The following GAK variants were observed in gnomAD, a reference collection of about 807,000 sequenced individuals.
GAK encodes cyclin-G-associated kinase.
GAK carries 79 observed loss-of-function variants against 143.9 expected under a neutral mutation model. The ratio of observed to expected loss-of-function variants is 0.55; its 90% CI spans 0.46 to 0.66. The LOEUF is 0.66. Ranked by LOEUF, GAK falls within the 30% of genes least tolerant of loss-of-function variation. The pLI is 0.00. For synonymous variants in GAK, 881 were observed against 765.5 expected, an observed-to-expected ratio of 1.15 and a Z score of -2.49; for missense variants, 1,693 against 1,779.7, an observed-to-expected ratio of 0.95 and a Z score of 0.88.
intron 18 of GAK, among the ~76,000 whole-genome samples, chr4:873,913 C>G (rs145318886): frequency 6.2e-4 from 94 of 152,254 alleles, no homozygotes; most frequent in Non-Finnish European, 9.8e-4. Context: ...CACAGCAGGG[C>G]GTCGGTCTAC....
intron 18 of GAK, among the ~76,000 whole-genome samples, 199 bp downstream of exon 18, chr4:876,331 C>CAG (rs3830210): frequency 0.042 from 6,371 of 152,240 alleles, 152 homozygotes; most frequent in East Asian, 0.092. Flanking sequence ...AACGGGGGGG[C>CAG]AGAGCAGCAG....
chr4:872,315 G>A (rs952962197), intron 18 of GAK: 1 of 152,260 alleles, frequency 6.6e-6, no homozygotes, highest in Non-Finnish European at 1.5e-5. Flanking sequence ...TCTGGGCGGA[G>A]GTGGCCACGG....
rs375386112 is a variant in GAK, at chr4:849,919, G to A, written c.3807C>T (p.Arg1269=). 4.9e-5 allele frequency: 75 copies of A among 1,527,094 alleles called. No individual in the cohort carries two copies. The highest frequency in any genetic ancestry group is 2.5e-4 in the East Asian group (10 of 39,410). 94.6% of individuals were successfully genotyped at this position (1,527,094 alleles called of 1,614,324 possible). Residue 1269 remains arginine (R), a synonymous_variant, in exon 27 of 28, where the codon CGC becomes CGT. Coordinates refer to ENST00000314167, the MANE Select transcript of GAK (RefSeq NM_005255.4). ...APEQVKKHYR[R]AVLAVHPDKA... ...TGTCGGGGTGCACAGCCAGCACCGC[G>A]CGGCGATAGTGCTTCTTCACTTGCT...
chr4:850,886 C>T (rs1485495121), intron 26 of GAK, 50 bp downstream of exon 26: 3 of 1,584,510 alleles, frequency 1.9e-6, no homozygotes, highest in Non-Finnish European at 2.6e-6. Context: ...GCTCCAGGGG[C>T]CATGGGTTGA....
chr4:863,565 A>G (rs1284630895), intron 23 of GAK, among the ~76,000 whole-genome samples: 2 of 152,220 alleles, frequency 1.3e-5, no homozygotes, highest in East Asian at 1.9e-4. Context: ...AAATGGCCAC[A>G]GCCACCCCAG....
At chr4:891,317 T>G (rs1345816308) in intron 9 of GAK, among the ~76,000 whole-genome samples, 2 of 150,704 alleles carry the variant, frequency 1.3e-5, no homozygotes, top group East Asian at 3.9e-4. Flanking sequence ...CAGGCTGGAG[T>G]GCAGTGGCAT....
chr4:904,518 C>T, intron 5 of GAK, 119 bp downstream of exon 5: 1 of 821,298 alleles, frequency 1.2e-6, no homozygotes, highest in Non-Finnish European at 1.8e-6. Context: ...CGAGCGGGAC[C>T]CGCACACAGA....
At chr4:887,090 C>T (rs545788164) in intron 11 of GAK, 47 of 151,732 alleles carry the variant, frequency 3.1e-4, no homozygotes, top group South Asian at 1.6e-3. Flanking sequence ...CACACACAGG[C>T]GCTCGCACAG....
At chr4:907,098 C>CGACTCAATTCCACT (rs1577262398) in intron 4 of GAK, among the ~76,000 whole-genome samples, 1 of 152,204 alleles carries the variant, frequency 6.6e-6, no homozygotes, top group Non-Finnish European at 1.5e-5. Context: ...AGCGTGTAGC[C>CGACTCAATTCCACT]GACTCAATTC....
rs1310483806 is a variant in GAK, at chr4:890,522, G to A, written c.1081+10C>T. On this transcript the variant is annotated intron_variant, in intron 10 of 27. Coordinates refer to ENST00000314167, the MANE Select transcript of GAK (RefSeq NM_005255.4). The stretch of plus-strand genomic sequence containing the variant: ...AGGGACAGGTGGCGGGCACAGGACA[G>A]GGCACTCACCTCCACTGTAGCCACT... 2 of 1,598,370 alleles carry A rather than the reference G, an allele frequency of 1.3e-6. No individual in the cohort carries two copies. Among genetic ancestry groups the A allele is most frequent in the East Asian group, 2.3e-5 (1 of 44,380 alleles).
At chr4:896,775 TC>T (rs1421556459) in intron 6 of GAK, among the ~76,000 whole-genome samples, 1 of 152,238 alleles carries the variant, frequency 6.6e-6, no homozygotes, top group Non-Finnish European at 1.5e-5. Context: ...GTCATTCACC[TC>T]CCTCAATCTC....
chr4:877,066 C>G lies in GAK; in HGVS notation c.1974+24G>C, dbSNP rs200388875. ...GAGCCTAGGCGTGAGTGGGGAGCAC[C>G]GGGCAAGCCACAGGCTCTCTCACCT... On this transcript the variant is annotated intron_variant, in intron 17 of 27. Transcript: ENST00000314167. 2.0e-6 allele frequency: 3 copies of G among 1,531,076 alleles called. No homozygotes were observed. The African/African-American group carries it at 4.1e-5, about 21-fold the overall frequency. The allele number at this position is 1,531,076 out of a possible 1,614,324, so 94.8% of individuals were successfully genotyped here.
At chr4:904,582 C>A in intron 5 of GAK, 55 bp downstream of exon 5, 1 of 1,500,776 alleles carries the variant, frequency 6.7e-7, no homozygotes. Context: ...GGCTCCTAAC[C>A]GAGTGGGACC....
chr4:879,723 T>A (rs747108937), intron 15 of GAK, among the ~76,000 whole-genome samples: 18 of 152,194 alleles, frequency 1.2e-4, no homozygotes, highest in Non-Finnish European at 2.5e-4. Flanking sequence ...CTGTTACTCA[T>A]TCTGGGAAAT....
chr4:928,505 G>C (rs1725192779), intron 1 of GAK, among the ~76,000 whole-genome samples: 1 of 152,206 alleles, frequency 6.6e-6, no homozygotes, highest in Non-Finnish European at 1.5e-5. Context: ...CACTCAACAT[G>C]GGCGACAGAG....
At chr4:927,007 A>T (rs151261048) in intron 1 of GAK, among the ~76,000 whole-genome samples, 124 of 3,284 alleles carry the variant, frequency 0.038, 4 homozygotes, top group Non-Finnish European at 0.058. Flanking sequence ...CCGGCTCACC[A>T]GCGCTCCGCA....
chr4:849,592 G>A lies in GAK; in HGVS notation c.*81C>T, dbSNP rs1055270768. 1.1e-4 allele frequency: 118 copies of A among 1,111,622 alleles called. No homozygotes were observed. Among genetic ancestry groups the A allele is most frequent in the Admixed American group, 3.4e-4 (17 of 50,198 alleles). 68.9% of individuals were successfully genotyped at this position (1,111,622 alleles called of 1,614,324 possible). On this transcript the variant is annotated 3_prime_UTR_variant, in exon 28 of 28. Coordinates refer to ENST00000314167, the MANE Select transcript of GAK (RefSeq NM_005255.4). ...CCTGGCCACACCTGCTGTCGCCCAC[G>A]GGGTCCTCACGGTGGGGACCCAGGT... is the stretch of plus-strand genomic sequence containing the variant.
In GAK at chr4:890,559, C is replaced by G. The variant is rs749562838; in HGVS notation, c.1054G>C (p.Gly352Arg). 2.5e-6 allele frequency: 4 copies of G among 1,610,728 alleles called. No individual in the cohort carries two copies. The highest frequency in any genetic ancestry group is 3.4e-6 in the Non-Finnish European group (4 of 1,179,078). ...TLSRGPPPPV[G>R]PAGSGYSGGL... ...CCACTGTAGCCACTGCCAGCGGGGC[C>G]CACGGGAGGGGGTGGCCCTCGGGAC... The change falls in exon 10 of 28, where the codon GGC becomes CGC. Residue 352 changes from glycine (G) to arginine (R), a missense_variant. Around this residue, in one of 2 missense-constraint regions of GAK, gnomAD observed 871 missense variants for 991.0 expected, o/e 0.88. Transcript: ENST00000314167.
intron 18 of GAK, among the ~76,000 whole-genome samples, chr4:871,526 C>T (rs1712620281): frequency 6.6e-6 from 1 of 152,252 alleles, no homozygotes; most frequent in African/African-American, 2.4e-5. Context: ...GAATTGGGAA[C>T]ATGATTCCGG....
Sources: allele counts gnomAD v4.1 joint callset (sites outside exome capture counted in the v4.1 genomes callset), GRCh38; gene constraint gnomAD v4.1.1; regional missense constraint gnomAD v4.1.1; transcripts MANE v1.5; gene names NCBI Gene and HGNC (gene_info 2026-07-23, HGNC 2026-07-21).